TRPC5: variants seen among roughly 807,000 people sequenced by gnomAD.
The protein encoded by TRPC5 is short transient receptor potential channel 5.
A neutral mutation model predicts 56.5 loss-of-function variants in TRPC5; 9 were observed. The observed-to-expected ratio is 0.16, with a 90% confidence interval of 0.10 to 0.28. The LOEUF (loss-of-function observed/expected upper bound fraction) is 0.28. TRPC5 is among the 10% of genes least tolerant of loss of function. TRPC5 has a pLI of 1.00. For synonymous variants in TRPC5, 282 were observed against 278.5 expected, an observed-to-expected ratio of 1.01 and a Z score of -0.13; for missense variants, 469 against 748.9, an observed-to-expected ratio of 0.63 and a Z score of 4.36.
intron 3 of TRPC5, among the ~76,000 whole-genome samples, chrX:111,877,125 G>A (rs1450964444): frequency 3.6e-5 from 4 of 111,844 alleles, no homozygotes; most frequent in African/African-American, 1.3e-4. Flanking sequence ...GCTGGAGGCA[G>A]GTGGACTGAT....
At chrX:111,837,910 A>G (rs1313722025) in intron 6 of TRPC5, among the ~76,000 whole-genome samples, 1 of 105,206 alleles carries the variant, frequency 9.5e-6, no homozygotes, top group Non-Finnish European at 1.9e-5. Flanking sequence ...CGTTATCAAA[A>G]AAAAAAAAAA....
chrX:111,786,713 G>A (rs772694525), intron 7 of TRPC5, among the ~76,000 whole-genome samples: 2 of 110,770 alleles, frequency 1.8e-5, no homozygotes, highest in Non-Finnish European at 3.8e-5. Context: ...TAAAGGGATG[G>A]AGGAACATCT....
chrX:111,845,610 G>A (rs914024940), intron 6 of TRPC5, among the ~76,000 whole-genome samples: 11 of 112,097 alleles, frequency 9.8e-5, no homozygotes, highest in African/African-American at 3.6e-4. Flanking sequence ...TCTCATTCAT[G>A]TATCTAATTC....
rs565832183 is a variant in TRPC5 at position 111,839,356 on chromosome X, T to G, written c.1701-4240A>C. Among the ~76,000 whole-genome samples the G allele has an allele frequency of 1.8e-4, 20 of 111,875 alleles. No individual in the cohort carries two copies. The South Asian group carries it at 6.8e-3, about 38-fold the overall frequency. On this transcript the variant is annotated intron_variant, in intron 6 of 10. Transcript: ENST00000262839. ...TGTTCCATAAATGCACAAATCACAC[T>G]GTAGAGGCAATAGAGGAGAGTGCCT...
rs188189787 is a variant in TRPC5 at position 111,957,420 on chromosome X, G to A, written c.-21-4979C>T. Reference sequence around the variant, plus strand: ...TAAGACTCAACACTTATTCTGTGCCGGATACTGTGTGTGCTAAATGTTTTG... The same window carrying A: ...TAAGACTCAACACTTATTCTGTGCCAGATACTGTGTGTGCTAAATGTTTTG... On this transcript the variant is annotated intron_variant, in intron 1 of 10. Transcript: ENST00000262839. Among the ~76,000 whole-genome samples, 156 of 111,733 alleles carry A rather than the reference G, an allele frequency of 1.4e-3. 1 individual carries two copies. Among genetic ancestry groups the A allele is most frequent in the Non-Finnish European group, 2.6e-3 (140 of 53,098 alleles).
intron 3 of TRPC5, among the ~76,000 whole-genome samples, chrX:111,895,032 G>A: frequency 9.0e-6 from 1 of 111,352 alleles, no homozygotes; most frequent in Non-Finnish European, 1.9e-5. Flanking sequence ...ATATTTGTAC[G>A]CTCTTTGGTT....
chrX:112,037,467 A>G (rs886359981), intron 1 of TRPC5, among the ~76,000 whole-genome samples: 1 of 111,751 alleles, frequency 8.9e-6, no homozygotes, highest in Non-Finnish European at 1.9e-5. Context: ...TGACTATTTT[A>G]TTTATTGGGA....
intron 1 of TRPC5, among the ~76,000 whole-genome samples, chrX:112,024,813 G>A (rs139144448): frequency 0.013 from 1,412 of 111,856 alleles, 17 homozygotes; most frequent in African/African-American, 0.043. Flanking sequence ...TAAGAGACCT[G>A]TAATCCTGAC....
At chrX:111,786,411 T>G (rs1055954920) in intron 7 of TRPC5, among the ~76,000 whole-genome samples, 17 of 111,383 alleles carry the variant, frequency 1.5e-4, no homozygotes, top group Non-Finnish European at 3.0e-4. Context: ...AGCTACTGAA[T>G]GAAGCACTAA....
chrX:112,065,940 G>C, intron 1 of TRPC5, among the ~76,000 whole-genome samples: 2 of 109,101 alleles, frequency 1.8e-5, no homozygotes, highest in Middle Eastern at 9.3e-3. Context: ...GAATTGACCA[G>C]TAGGTTCCTG....
At chrX:112,052,546 T>C (rs1228809134) in intron 1 of TRPC5, among the ~76,000 whole-genome samples, 2 of 111,828 alleles carry the variant, frequency 1.8e-5, no homozygotes, top group African/African-American at 6.5e-5. Flanking sequence ...TCAGATATGA[T>C]ATTTACAAAT....
intron 7 of TRPC5, among the ~76,000 whole-genome samples, chrX:111,784,529 C>T (rs1218384212): frequency 9.0e-6 from 1 of 111,707 alleles, no homozygotes; most frequent in African/African-American, 3.3e-5. Context: ...ATGATTTCAG[C>T]ATTTCCAACT....
chrX:111,971,550 AAC>A (rs1489860012), intron 1 of TRPC5, among the ~76,000 whole-genome samples: 13 of 111,476 alleles, frequency 1.2e-4, no homozygotes, highest in African/African-American at 4.2e-4. Flanking sequence ...TCCCAGAAAT[AAC>A]AGTCATACTG....
chrX:111,784,309 A>C (rs765099682), intron 7 of TRPC5, among the ~76,000 whole-genome samples: 3 of 112,564 alleles, frequency 2.7e-5, no homozygotes, highest in Non-Finnish European at 3.7e-5. Flanking sequence ...CTTAATCAAA[A>C]TTAAAAACAT....
At chrX:112,046,228 A>G (rs1390814794) in intron 1 of TRPC5, among the ~76,000 whole-genome samples, 3 of 69,078 alleles carry the variant, frequency 4.3e-5, no homozygotes, top group Non-Finnish European at 8.4e-5. Flanking sequence ...TATTTCTTTT[A>G]GATTAGAAGA....
At chrX:111,902,913 A>G (rs1407369698) in intron 3 of TRPC5, 1 of 112,020 alleles carries the variant, frequency 8.9e-6, no homozygotes, top group Non-Finnish European at 1.9e-5. Context: ...CACTATACCA[A>G]ATAATCAAAG....
intron 6 of TRPC5, among the ~76,000 whole-genome samples, chrX:111,843,889 T>C (rs1038780375): frequency 1.5e-4 from 15 of 102,536 alleles, no homozygotes; most frequent in Non-Finnish European, 2.5e-4. Flanking sequence ...TGTGTGTGTG[T>C]GTGTGTGTGT....
intron 7 of TRPC5, among the ~76,000 whole-genome samples, chrX:111,827,471 C>T (rs1018947459): frequency 9.0e-6 from 1 of 111,195 alleles, no homozygotes; most frequent in Non-Finnish European, 1.9e-5. Flanking sequence ...GTTTCACCTC[C>T]CTCCCCGACC....
At chrX:111,948,401 C>G (rs1481028351) in intron 2 of TRPC5, among the ~76,000 whole-genome samples, 1 of 111,110 alleles carries the variant, frequency 9.0e-6, no homozygotes, top group African/African-American at 3.3e-5. Context: ...AAATAATTCC[C>G]CAAAATATGG....
Sources: gnomAD v4.1 joint callset for allele counts (sites outside exome capture counted in the v4.1 genomes callset) on GRCh38, gnomAD v4.1.1 for gene constraint, MANE v1.5 for transcripts, NCBI Gene and HGNC (gene_info 2026-07-23, HGNC 2026-07-21) for gene names.